HOOK3: variants seen among roughly 807,000 people sequenced by gnomAD.
HOOK3 encodes the protein hook microtubule tethering protein 3, also known as protein Hook homolog 3.
In HOOK3, 24 loss-of-function variants were observed where a neutral mutation model predicts 116.3. The observed-to-expected ratio is 0.21, with a 90% CI of 0.15 to 0.29. HOOK3 has a LOEUF of 0.29. Ranked by LOEUF, HOOK3 falls within the 10% of genes least tolerant of loss-of-function variation. The pLI is 1.00. For missense variants in HOOK3, 632 were observed against 830.2 expected (o/e 0.76, Z 2.93); for synonymous variants, 275 against 283.0 (o/e 0.97, Z 0.28).
At chr8:43,004,877 T>C (rs1035488915) in intron 17 of HOOK3, among the ~76,000 whole-genome samples, 2 of 152,128 alleles carry the variant, frequency 1.3e-5, no homozygotes, top group Admixed American at 6.6e-5. Context: ...TCAGTTCTAC[T>C]ATATATATCC....
intron 15 of HOOK3, among the ~76,000 whole-genome samples, chr8:42,993,337 G>A (rs1809203102): frequency 6.6e-6 from 1 of 152,184 alleles, no homozygotes; most frequent in Non-Finnish European, 1.5e-5. Context: ...AGTAGAGCCA[G>A]GTTTTCACCG....
intron 4 of HOOK3, among the ~76,000 whole-genome samples, chr8:42,932,503 T>G (rs1029459036): frequency 2.0e-5 from 3 of 152,210 alleles, no homozygotes; most frequent in African/African-American, 7.2e-5. Flanking sequence ...CCTCGTCTCA[T>G]ACATGAGAAG....
At chr8:43,010,999 CT>C (rs1241500996) in intron 19 of HOOK3, among the ~76,000 whole-genome samples, 65 of 145,596 alleles carry the variant, frequency 4.5e-4, no homozygotes, top group Admixed American at 6.9e-4. Context: ...GGTCCATTTT[CT>C]TTTTTTTTTT....
At chr8:42,935,115 T>C (rs565520740) in intron 4 of HOOK3, among the ~76,000 whole-genome samples, 3 of 152,324 alleles carry the variant, frequency 2.0e-5, no homozygotes, top group Non-Finnish European at 4.4e-5. Context: ...CTCATTGTGG[T>C]TTTGATTTGC....
In HOOK3 at chr8:42,990,325, C is replaced by CTTTTT. The variant is rs59033055; in HGVS notation, c.1532+3563_1532+3567dup. The stretch of plus-strand genomic sequence containing the variant: ...TTGAGAAATAAATATCTGTTTAGAT[C>CTTTTT]TTTTTTTTTTTTTTTTTTTTTTTTT... On this transcript the variant is annotated intron_variant, in intron 15 of 21. Coordinates refer to ENST00000307602, the MANE Select transcript of HOOK3 (RefSeq NM_032410.4). Among the ~76,000 whole-genome samples the CTTTTT allele has an allele frequency of 7.9e-5, 3 of 37,902 alleles. 1 individual carries two copies. Among genetic ancestry groups the CTTTTT allele is most frequent in the Non-Finnish European group, 1.6e-4 (3 of 18,928 alleles). The allele number at this position is 37,902 out of a possible 152,430, so 24.9% of individuals were successfully genotyped here.
At chr8:42,953,087 C>A (rs1808370887) in intron 6 of HOOK3, among the ~76,000 whole-genome samples, 1 of 151,984 alleles carries the variant, frequency 6.6e-6, no homozygotes, top group Non-Finnish European at 1.5e-5. Flanking sequence ...ACCCACCTAG[C>A]CACATGGGGG....
chr8:42,979,106 T>C (rs930976704), intron 13 of HOOK3, among the ~76,000 whole-genome samples: 1 of 152,006 alleles, frequency 6.6e-6, no homozygotes, highest in Non-Finnish European at 1.5e-5. Context: ...TAAATATATA[T>C]TATAAAAATA....
chr8:42,904,661 A>C (rs1053135972), intron 1 of HOOK3, among the ~76,000 whole-genome samples: 2 of 152,040 alleles, frequency 1.3e-5, no homozygotes, highest in African/African-American at 2.4e-5. Context: ...CCCTGGTTCA[A>C]ATCCTTTGCT....
intron 8 of HOOK3, among the ~76,000 whole-genome samples, chr8:42,961,761 G>A (rs1808537636): frequency 6.6e-6 from 1 of 152,106 alleles, no homozygotes; most frequent in African/African-American, 2.4e-5. Context: ...CCTTTGCTTT[G>A]TTATTTTCTT....
At position 42,986,751 on chromosome 8, in the gene HOOK3, A is replaced by G; in HGVS notation, c.1488A>G (p.Leu496=). The G allele has an allele frequency of 6.2e-7, 1 of 1,614,050 alleles. No homozygotes were observed. Among genetic ancestry groups the G allele is most frequent in the Non-Finnish European group, 8.5e-7 (1 of 1,179,920 alleles). The part of the protein sequence containing the change: ...NEKIALLQSL[L]DDANLRKNEL... The stretch of plus-strand genomic sequence containing the variant: ...AAATAGCCTTATTGCAGAGCCTTCT[A>G]GATGATGCAAATCTACGCAAGAATG... Residue 496 remains leucine, a synonymous_variant, in exon 15 of 22, where the codon CTA becomes CTG. Coordinates refer to ENST00000307602, the MANE Select transcript of HOOK3 (RefSeq NM_032410.4).
At chr8:42,926,041 CTG>C (rs1171845024) in intron 3 of HOOK3, among the ~76,000 whole-genome samples, 1 of 152,148 alleles carries the variant, frequency 6.6e-6, no homozygotes, top group African/African-American at 2.4e-5. Context: ...TCATTATTAA[CTG>C]TATCGTAAAC....
At chr8:42,939,742 C>T (rs1470104693) in intron 4 of HOOK3, among the ~76,000 whole-genome samples, 2 of 149,254 alleles carry the variant, frequency 1.3e-5, no homozygotes, top group South Asian at 2.2e-4. Context: ...GGCTGCCGGG[C>T]GGAGGGGCTC....
At chr8:42,940,763 T>G (rs536846570) in intron 4 of HOOK3, among the ~76,000 whole-genome samples, 12 of 152,192 alleles carry the variant, frequency 7.9e-5, no homozygotes, top group Non-Finnish European at 1.6e-4. Flanking sequence ...CTTTGTGGTG[T>G]TTTCTATATT....
chr8:42,940,839 A>C (rs1218297396), intron 4 of HOOK3, among the ~76,000 whole-genome samples: 1 of 152,166 alleles, frequency 6.6e-6, no homozygotes, highest in East Asian at 1.9e-4. Flanking sequence ...TATCCTGAAG[A>C]GTGTTTTCCA....
intron 14 of HOOK3, among the ~76,000 whole-genome samples, chr8:42,983,667 G>C (rs562145757): frequency 4.9e-4 from 74 of 152,180 alleles, no homozygotes; most frequent in African/African-American, 1.7e-3. Context: ...TAGAGACTGG[G>C]TTTTGCCATG....
chr8:42,995,498 G>A lies in HOOK3; in HGVS notation c.1533-2052G>A, dbSNP rs1312628978. Among the ~76,000 whole-genome samples the A allele has an allele frequency of 2.6e-5, 4 of 152,088 alleles. No homozygotes were observed. In the South Asian group the frequency reaches 6.2e-4, roughly 24 times the overall value. On this transcript the variant is annotated intron_variant, in intron 15 of 21. Coordinates refer to ENST00000307602, the MANE Select transcript of HOOK3 (RefSeq NM_032410.4). ...ATTCTCTGATATTCTTCAGGGTGAGGTTCCTCTTTCTACCCCTTGATTGAT... is the reference window on the plus strand; with the variant it reads ...ATTCTCTGATATTCTTCAGGGTGAGATTCCTCTTTCTACCCCTTGATTGAT...
chr8:42,914,995 A>G (rs954477397), intron 2 of HOOK3, among the ~76,000 whole-genome samples: 2 of 152,098 alleles, frequency 1.3e-5, no homozygotes, highest in African/African-American at 4.8e-5. Flanking sequence ...TATAGAAATT[A>G]CTCATAAAAG....
chr8:42,984,886 G>C (rs1298509416), intron 14 of HOOK3, among the ~76,000 whole-genome samples: 1 of 152,156 alleles, frequency 6.6e-6, no homozygotes, highest in African/African-American at 2.4e-5. Context: ...CTGGGCGACA[G>C]CTAGATTCTG....
At chr8:42,967,323 G>C (rs1176575544) in intron 10 of HOOK3, among the ~76,000 whole-genome samples, 3 of 151,974 alleles carry the variant, frequency 2.0e-5, no homozygotes, top group African/African-American at 7.3e-5. Flanking sequence ...TCCTATAGCA[G>C]CGAAGAAAGA....
Sources: gnomAD v4.1 joint callset for allele counts (sites outside exome capture counted in the v4.1 genomes callset) on GRCh38, gnomAD v4.1.1 for gene constraint, MANE v1.5 for transcripts, NCBI Gene and HGNC (gene_info 2026-07-23, HGNC 2026-07-21) for gene names.